EYS: variants seen among roughly 807,000 people sequenced by gnomAD.
EYS encodes EGF-like photoreceptor maintenance factor, also known as protein eyes shut homolog.
EYS carries 250 observed loss-of-function variants against 282.1 expected under a neutral mutation model. The ratio of observed to expected loss-of-function variants is 0.89; its 90% CI spans 0.80 to 0.98. The LOEUF (loss-of-function observed/expected upper bound fraction) is 0.98. EYS is among the 50% of genes least tolerant of loss of function. The probability of loss-of-function intolerance (pLI) is 0.00; values close to 1 mark genes in which losing one functional copy is unlikely to be tolerated. For synonymous variants in EYS, 1,355 were observed against 1,282.9 expected, an observed-to-expected ratio of 1.06 and a Z score of -1.20; for missense variants, 4,016 against 3,709.0, an observed-to-expected ratio of 1.08 and a Z score of -2.15.
rs1361251812 is a variant in EYS, at chr6:64,590,926, T to A, written c.4941A>T (p.Glu1647Asp). 1.3e-6 allele frequency: 2 copies of A among 1,550,710 alleles called. No individual in the cohort carries two copies. ...KRTILSSSLEESITLSSNLDV... is the reference protein window; with the variant it reads ...KRTILSSSLEDSITLSSNLDV... ...CCAAATTACTTGATAGGGTAATGGA[T>A]TCTTCCAAGGATGAGGATAAAATTG... Residue 1647 changes from glutamate (E) to aspartate (D), a missense_variant, in exon 26 of 43, where the codon GAA (glutamate) becomes GAT (aspartate). Glu to Asp is a conservative substitution (Grantham distance 45, BLOSUM62 2). Transcript: ENST00000503581.
At chr6:63,730,245 A>G (rs1768748224) in intron 41 of EYS, among the ~76,000 whole-genome samples, 3 of 152,214 alleles carry the variant, frequency 2.0e-5, no homozygotes, top group Non-Finnish European at 4.4e-5. Flanking sequence ...TGATGCCACT[A>G]TCAACTCTTG....
At chr6:65,561,776 C>A (rs1199114048) in intron 2 of EYS, among the ~76,000 whole-genome samples, 1 of 151,906 alleles carries the variant, frequency 6.6e-6, no homozygotes, top group African/African-American at 2.4e-5. Flanking sequence ...AACCACTACT[C>A]TACTTCTATT....
At chr6:64,381,994 G>C (rs749483500) in intron 29 of EYS, among the ~76,000 whole-genome samples, 22 of 152,214 alleles carry the variant, frequency 1.4e-4, no homozygotes, top group Non-Finnish European at 2.2e-4. Context: ...GAATCCAGTG[G>C]ATGTCTTTCA....
At chr6:65,673,901 A>G (rs2149834092) in intron 1 of EYS, among the ~76,000 whole-genome samples, 1 of 152,110 alleles carries the variant, frequency 6.6e-6, no homozygotes, top group Middle Eastern at 3.4e-3. Flanking sequence ...GATATGAGTA[A>G]AGTCAATTTG....
chr6:63,866,656 G>A (rs919688004), intron 35 of EYS, among the ~76,000 whole-genome samples: 2 of 152,110 alleles, frequency 1.3e-5, no homozygotes, highest in Admixed American at 6.5e-5. Context: ...ATGCGGAGAC[G>A]ACTAACTGTG....
intron 12 of EYS, among the ~76,000 whole-genome samples, chr6:65,205,864 A>G (rs752209375): frequency 7.2e-5 from 11 of 151,876 alleles, no homozygotes; most frequent in Non-Finnish European, 1.6e-4. Flanking sequence ...ACAACATACC[A>G]AAACCTCTGT....
intron 30 of EYS, among the ~76,000 whole-genome samples, chr6:64,299,529 G>A (rs1267688052): frequency 3.9e-5 from 6 of 152,216 alleles, no homozygotes; most frequent in African/African-American, 1.4e-4. Flanking sequence ...CCTTGAAAAC[G>A]AAGGTGAAAA....
At chr6:65,468,644 G>T (rs183080032) in intron 5 of EYS, among the ~76,000 whole-genome samples, 2 of 151,772 alleles carry the variant, frequency 1.3e-5, no homozygotes, top group African/African-American at 4.8e-5. Context: ...TGGTTAATTC[G>T]AACAAAAGTT....
intron 14 of EYS, among the ~76,000 whole-genome samples, chr6:64,963,199 C>G (rs543670709): frequency 8.3e-4 from 126 of 152,116 alleles, no homozygotes; most frequent in Non-Finnish European, 2.8e-4. Flanking sequence ...CTTCAGTTAT[C>G]TTTATCTCTG....
chr6:64,912,116 C>T (rs886372950), intron 16 of EYS, among the ~76,000 whole-genome samples: 4 of 151,924 alleles, frequency 2.6e-5, no homozygotes, highest in African/African-American at 7.3e-5. Context: ...CATTTCATTA[C>T]CCCCAATTAT....
chr6:65,600,143 C>T (rs1268141210), intron 2 of EYS, among the ~76,000 whole-genome samples: 4 of 151,988 alleles, frequency 2.6e-5, no homozygotes, highest in African/African-American at 9.7e-5. Context: ...GGTAGTGATT[C>T]CTAACCTTTT....
At chr6:64,016,788 C>G (rs1242275441) in intron 33 of EYS, among the ~76,000 whole-genome samples, 1 of 152,086 alleles carries the variant, frequency 6.6e-6, no homozygotes, top group African/African-American at 2.4e-5. Context: ...TTTTTGATTT[C>G]TAATGAGGGT....
At chr6:63,841,287 A>G (rs1303882891) in intron 36 of EYS, among the ~76,000 whole-genome samples, 1 of 152,210 alleles carries the variant, frequency 6.6e-6, no homozygotes, top group African/African-American at 2.4e-5. Flanking sequence ...TAAATACAAT[A>G]TAACAGAATC....
intron 35 of EYS, among the ~76,000 whole-genome samples, chr6:63,958,722 A>G (rs1045924767): frequency 6.6e-6 from 1 of 152,216 alleles, no homozygotes; most frequent in South Asian, 2.1e-4. Context: ...TGATGCAGCT[A>G]ATGACTTTAA....
chr6:64,477,992 C>T (rs1678874621), intron 26 of EYS, among the ~76,000 whole-genome samples: 1 of 152,030 alleles, frequency 6.6e-6, no homozygotes. Context: ...TACCATTCAT[C>T]TCACTCCCAG....
intron 26 of EYS, among the ~76,000 whole-genome samples, chr6:64,503,481 T>C (rs566032623): frequency 9.2e-5 from 14 of 152,304 alleles, no homozygotes; most frequent in African/African-American, 3.1e-4. Context: ...GGAATTAAAG[T>C]GTTCTGGTGA....
intron 26 of EYS, among the ~76,000 whole-genome samples, chr6:64,483,140 C>T (rs182340073): frequency 2.0e-5 from 3 of 151,570 alleles, no homozygotes; most frequent in Admixed American, 2.0e-4. Flanking sequence ...TTATGGGGTT[C>T]TAACACAAAT....
intron 31 of EYS, among the ~76,000 whole-genome samples, chr6:64,112,542 C>T (rs1773239593): frequency 6.6e-6 from 1 of 151,752 alleles, no homozygotes; most frequent in South Asian, 2.1e-4. Flanking sequence ...CCCACCATCT[C>T]AAATACTTAC....
At chr6:64,005,606 T>A (rs990314741) in intron 33 of EYS, among the ~76,000 whole-genome samples, 2 of 152,220 alleles carry the variant, frequency 1.3e-5, no homozygotes, top group African/African-American at 4.8e-5. Flanking sequence ...TTTTGGGTTT[T>A]ACATTTAAGT....
Sources: gnomAD v4.1 joint callset for allele counts (sites outside exome capture counted in the v4.1 genomes callset) on GRCh38, gnomAD v4.1.1 for gene constraint, MANE v1.5 for transcripts, NCBI Gene and HGNC (gene_info 2026-07-23, HGNC 2026-07-21) for gene names.